The following CNTNAP2 variants were observed in gnomAD, a reference collection of about 807,000 sequenced individuals.
CNTNAP2 encodes the protein contactin-associated protein-like 2.
A neutral mutation model predicts 155.2 loss-of-function variants in CNTNAP2; 98 were observed. The ratio of observed to expected loss-of-function variants is 0.63; its 90% CI spans 0.54 to 0.75. The LOEUF (loss-of-function observed/expected upper bound fraction) is 0.75, where lower values mean the gene tolerates loss of function less well. CNTNAP2 is among the 30% of genes least tolerant of loss of function. CNTNAP2 has a pLI of 0.00. For missense variants in CNTNAP2, 1,727 were observed against 1,688.1 expected (o/e 1.02, Z -0.40); for synonymous variants, 651 against 631.2 (o/e 1.03, Z -0.47).
chr7:147,237,486 G>A (rs1272366212), intron 8 of CNTNAP2, among the ~76,000 whole-genome samples: 2 of 152,180 alleles, frequency 1.3e-5, no homozygotes, highest in African/African-American at 4.8e-5. Flanking sequence ...ACTAGTTCAA[G>A]TGCTGGCTCC....
intron 15 of CNTNAP2, among the ~76,000 whole-genome samples, chr7:148,025,407 A>C (rs948844693): frequency 6.6e-6 from 1 of 152,218 alleles, no homozygotes; most frequent in African/African-American, 2.4e-5. Flanking sequence ...GTCAATCTGC[A>C]GCACCCATTC....
intron 1 of CNTNAP2, among the ~76,000 whole-genome samples, chr7:146,337,028 A>G (rs1276013121): frequency 6.6e-6 from 1 of 152,160 alleles, no homozygotes; most frequent in Non-Finnish European, 1.5e-5. Context: ...TAACTGATAT[A>G]AACTATATAC....
chr7:147,541,223 G>C (rs975371944), intron 11 of CNTNAP2, among the ~76,000 whole-genome samples: 4 of 152,156 alleles, frequency 2.6e-5, no homozygotes, highest in African/African-American at 9.7e-5. Context: ...TTGACTCTTA[G>C]TATAATGCAG....
intron 23 of CNTNAP2, among the ~76,000 whole-genome samples, chr7:148,410,428 G>A (rs191703796): frequency 2.3e-4 from 35 of 152,146 alleles, no homozygotes; most frequent in African/African-American, 7.7e-4. Flanking sequence ...TTAGCCAGGC[G>A]TGGTGGCGCA....
intron 14 of CNTNAP2, among the ~76,000 whole-genome samples, chr7:147,936,133 A>C (rs1366516253): frequency 6.6e-6 from 1 of 152,220 alleles, no homozygotes; most frequent in Non-Finnish European, 1.5e-5. Flanking sequence ...AAATAATTGC[A>C]CTAAGCTAAA....
At chr7:147,450,833 T>C (rs1277320689) in intron 10 of CNTNAP2, among the ~76,000 whole-genome samples, 1 of 152,234 alleles carries the variant, frequency 6.6e-6, no homozygotes, top group African/African-American at 2.4e-5. Context: ...CTCCCATTTG[T>C]CATGTTATAA....
intron 1 of CNTNAP2, among the ~76,000 whole-genome samples, chr7:146,401,851 A>G (rs1466174475): frequency 6.6e-6 from 1 of 152,194 alleles, no homozygotes; most frequent in Non-Finnish European, 1.5e-5. Flanking sequence ...ACTTTATTTT[A>G]TCACTGCCAA....
chr7:147,095,866 G>A (rs988766542), intron 4 of CNTNAP2, among the ~76,000 whole-genome samples: 2 of 152,086 alleles, frequency 1.3e-5, no homozygotes, highest in Non-Finnish European at 2.9e-5. Context: ...TTGTTCCTAT[G>A]AAGCCCACCC....
At chr7:146,373,634 A>T (rs2129103231) in intron 1 of CNTNAP2, among the ~76,000 whole-genome samples, 1 of 152,304 alleles carries the variant, frequency 6.6e-6, no homozygotes, top group South Asian at 2.1e-4. Flanking sequence ...TCCTAGAATT[A>T]AGATTCCTGG....
At chr7:148,078,636 A>G (rs1803541565) in intron 15 of CNTNAP2, among the ~76,000 whole-genome samples, 1 of 152,100 alleles carries the variant, frequency 6.6e-6, no homozygotes, top group Admixed American at 6.6e-5. Flanking sequence ...GCCCACCACC[A>G]TGCCCAGCTA....
intron 1 of CNTNAP2, among the ~76,000 whole-genome samples, chr7:146,631,135 C>G (rs548206560): frequency 2.0e-5 from 3 of 152,100 alleles, no homozygotes; most frequent in Non-Finnish European, 4.4e-5. Flanking sequence ...AAGCTGGAGG[C>G]ATCATGCTAC....
At chr7:147,480,163 A>G (rs1397517271) in intron 10 of CNTNAP2, among the ~76,000 whole-genome samples, 1 of 152,194 alleles carries the variant, frequency 6.6e-6, no homozygotes, top group Non-Finnish European at 1.5e-5. Context: ...TTCTAAATAT[A>G]TTTCTTGTCT....
chr7:146,711,685 T>C (rs1414132448), intron 1 of CNTNAP2, among the ~76,000 whole-genome samples: 1 of 146,556 alleles, frequency 6.8e-6, no homozygotes, highest in Non-Finnish European at 1.5e-5. Context: ...TATCTCATTA[T>C]ATATACATAT....
chr7:146,981,089 T>C (rs945756237), intron 3 of CNTNAP2, among the ~76,000 whole-genome samples: 2 of 152,142 alleles, frequency 1.3e-5, no homozygotes, highest in African/African-American at 2.4e-5. Flanking sequence ...ATTTATATTA[T>C]GGAAGGAGAA....
rs115724979 is a variant in CNTNAP2, at chr7:148,403,452, A to T, written c.3716-5939A>T. Among the ~76,000 whole-genome samples, 467 of 152,270 alleles carry T rather than the reference A, an allele frequency of 3.1e-3. 1 individual carries two copies. The highest frequency in any genetic ancestry group is 0.011 in the African/African-American group (444 of 41,546). On this transcript the variant is annotated intron_variant, in intron 22 of 23. Coordinates refer to ENST00000361727, the MANE Select transcript of CNTNAP2 (RefSeq NM_014141.6). Reference sequence around the variant, plus strand: ...AGTATGTTGAATAGAGTCTGTGCTTATTTGATGAAAGACTGGTCTTGAGAA... The same window carrying T: ...AGTATGTTGAATAGAGTCTGTGCTTTTTTGATGAAAGACTGGTCTTGAGAA...
intron 20 of CNTNAP2, among the ~76,000 whole-genome samples, chr7:148,259,158 A>G (rs1292967672): frequency 6.9e-6 from 1 of 144,452 alleles, no homozygotes; most frequent in Non-Finnish European, 1.5e-5. Context: ...CAGCTTGGGC[A>G]ACAAAAGCAA....
rs569690953 is a variant in CNTNAP2, at chr7:146,243,938, G to T, written c.97+126965G>T. 1.9e-4 allele frequency among the ~76,000 whole-genome samples: 29 copies of T among 152,204 alleles called. No individual in the cohort carries two copies. The South Asian group carries it at 5.4e-3, about 28-fold the overall frequency. The stretch of plus-strand genomic sequence containing the variant: ...GGGCGATGTTTCTCAGGGCTGCTTC[G>T]AGCGGGATTAGGGGCGGTGTGGGAA... On this transcript the variant is annotated intron_variant, in intron 1 of 23. Coordinates refer to ENST00000361727, the MANE Select transcript of CNTNAP2 (RefSeq NM_014141.6).
chr7:146,125,342 T>C (rs1242054663), intron 1 of CNTNAP2, among the ~76,000 whole-genome samples: 1 of 152,004 alleles, frequency 6.6e-6, no homozygotes, highest in African/African-American at 2.4e-5. Flanking sequence ...TTTGGGAGGC[T>C]GAGACAGGCG....
intron 16 of CNTNAP2, among the ~76,000 whole-genome samples, chr7:148,143,856 A>G (rs553881993): frequency 7.9e-5 from 12 of 152,264 alleles, no homozygotes; most frequent in African/African-American, 2.4e-4. Context: ...TTTTCCTTAT[A>G]ACTCACCAAA....
Sources: gnomAD v4.1 joint callset for allele counts (sites outside exome capture counted in the v4.1 genomes callset) on GRCh38, gnomAD v4.1.1 for gene constraint, MANE v1.5 for transcripts, NCBI Gene and HGNC (gene_info 2026-07-23, HGNC 2026-07-21) for gene names.